STOM: variants seen among roughly 807,000 people sequenced by gnomAD.
The protein encoded by STOM is erythrocyte band 7 integral membrane protein.
Under a neutral mutation model 30.6 loss-of-function variants are expected in STOM, and 25 were observed. That is an observed-to-expected ratio of 0.82 (90% CI 0.60 to 1.14). The LOEUF (loss-of-function observed/expected upper bound fraction) is 1.14. Ranked by LOEUF, STOM falls within the 50% of genes most tolerant of loss-of-function variation. The pLI is 0.00. For synonymous variants in STOM, 118 were observed against 130.8 expected (o/e 0.90, Z 0.67); for missense variants, 292 against 365.2 (o/e 0.80, Z 1.63).
rs1248382950 is a variant in STOM, at chr9:121,340,576, A to T, written c.*626T>A. ...ACATGGTGAAACCCCGTCTCTACTA[A>T]AAAACAATAATAATAATACAAAAAT... On this transcript the variant is annotated 3_prime_UTR_variant, in exon 7 of 7. Transcript: ENST00000286713. 6.7e-6 allele frequency: 4 copies of T among 593,952 alleles called. No homozygotes were observed. 36.8% of individuals were successfully genotyped at this position (593,952 alleles called of 1,614,324 possible).
rs904530503 is a variant in STOM, at chr9:121,340,942, A to G, written c.*260T>C. The G allele has an allele frequency of 6.0e-5, 77 of 1,280,802 alleles. No individual in the cohort carries two copies. In the African/African-American group the frequency reaches 1.1e-3, roughly 18 times the overall value. 79.3% of individuals were successfully genotyped at this position (1,280,802 alleles called of 1,614,324 possible). ...GAATGAGTCAGTGGAAGTCAAAACA[A>G]GAGGGATCTAACCTACTACATAATA... On this transcript the variant is annotated 3_prime_UTR_variant, in exon 7 of 7. Coordinates refer to ENST00000286713, the MANE Select transcript of STOM (RefSeq NM_004099.6).
rs1220052990 is a variant in STOM at position 121,355,534 on chromosome 9, AAT to A, written c.165+517_165+518del. ...TTTATCTTCTTAGAAATATGTAAAT[AAT>A]AGTCATATATCAAAGTATTAACAAC... On this transcript the variant is annotated intron_variant, in intron 2 of 6. Transcript: ENST00000286713. Among the ~76,000 whole-genome samples the A allele has an allele frequency of 3.9e-5, 6 of 152,236 alleles. No individual in the cohort carries two copies. In the East Asian group the frequency reaches 5.8e-4, roughly 15 times the overall value.
At chr9:121,366,304 T>A in intron 1 of STOM, 5 of 953,154 alleles carry the variant, frequency 5.2e-6, no homozygotes, top group Non-Finnish European at 6.2e-6. Flanking sequence ...CAAGTGTGTG[T>A]CAATAGAAAA....
intron 6 of STOM, 68 bp downstream of exon 6, chr9:121,347,947 A>C: frequency 5.3e-6 from 8 of 1,509,984 alleles, no homozygotes; most frequent in Non-Finnish European, 5.3e-6. Flanking sequence ...AGCATGTTTT[A>C]CGTTTTTTTA....
chr9:121,368,289 A>G (rs1348201608), intron 1 of STOM, among the ~76,000 whole-genome samples: 1 of 152,254 alleles, frequency 6.6e-6, no homozygotes, highest in Non-Finnish European at 1.5e-5. Flanking sequence ...TTAAAAACTC[A>G]TCTATGACCA....
At chr9:121,348,239 G>T in intron 5 of STOM, 90 bp from the exon 6 acceptor site, 1 of 1,577,418 alleles carries the variant, frequency 6.3e-7, no homozygotes, top group Non-Finnish European at 8.7e-7. Context: ...GAGGAGATAA[G>T]GTGCTGGGGA....
intron 6 of STOM, among the ~76,000 whole-genome samples, chr9:121,347,239 TG>T (rs2064297409): frequency 6.6e-6 from 1 of 152,250 alleles, no homozygotes; most frequent in African/African-American, 2.4e-5. Context: ...AACTGCCTTC[TG>T]GTTCCAATTT....
rs1267626953 is a variant in STOM at position 121,370,172 on chromosome 9, G to A, written c.16C>T (p.His6Tyr). MAEKR[H>Y]TRDSEAQRLP... Reference sequence around the variant, plus strand: ...CGCTGGGCTTCGGAGTCCCGTGTGTGCCGCTTCTCGGCCATGCTGCCCGAG... The same window carrying A: ...CGCTGGGCTTCGGAGTCCCGTGTGTACCGCTTCTCGGCCATGCTGCCCGAG... The change falls in exon 1 of 7, where the codon CAC (histidine) becomes TAC (tyrosine). Residue 6 changes from histidine to tyrosine, a missense_variant. By Grantham distance (83) the His-to-Tyr change is moderately conservative. Coordinates refer to ENST00000286713, the MANE Select transcript of STOM (RefSeq NM_004099.6). 9 of 1,547,968 alleles carry A rather than the reference G, an allele frequency of 5.8e-6. No individual in the cohort carries two copies.
At chr9:121,368,130 T>G (rs1167867137) in intron 1 of STOM, among the ~76,000 whole-genome samples, 1 of 152,146 alleles carries the variant, frequency 6.6e-6, no homozygotes, top group African/African-American at 2.4e-5. Flanking sequence ...TAGCGTCAAA[T>G]TTGTTAGGTT....
At chr9:121,347,743 G>A (rs2064301806) in intron 6 of STOM, among the ~76,000 whole-genome samples, 1 of 152,170 alleles carries the variant, frequency 6.6e-6, no homozygotes, top group Non-Finnish European at 1.5e-5. Flanking sequence ...AAAGCAGAGC[G>A]CAGAACAACA....
intron 1 of STOM, among the ~76,000 whole-genome samples, chr9:121,356,394 T>C (rs1412608659): frequency 1.3e-5 from 2 of 152,222 alleles, no homozygotes; most frequent in Non-Finnish European, 2.9e-5. Context: ...AGCAAACATT[T>C]ATTAAGCATC....
At chr9:121,342,723 C>T (rs2064257686) in intron 6 of STOM, among the ~76,000 whole-genome samples, 1 of 152,102 alleles carries the variant, frequency 6.6e-6, no homozygotes, top group South Asian at 2.1e-4. Context: ...TCAATATTTA[C>T]AACATGCCAG....
chr9:121,358,100 A>G (rs1274105589), intron 1 of STOM, among the ~76,000 whole-genome samples: 1 of 151,796 alleles, frequency 6.6e-6, no homozygotes, highest in East Asian at 1.9e-4. Flanking sequence ...CAGGGGTTTG[A>G]GACTAGCTTG....
rs111264749 is a variant in STOM, at chr9:121,349,418, G to A, written c.322-95C>T. On this transcript the variant is annotated intron_variant, in intron 4 of 6. Transcript: ENST00000286713. ...TTCTACAGAATATCTTATAACACTAGCTGATTTTCTTTAGTAAGGCATCAG... is the reference window on the plus strand; with the variant it reads ...TTCTACAGAATATCTTATAACACTAACTGATTTTCTTTAGTAAGGCATCAG... 4.0e-5 allele frequency: 42 copies of A among 1,062,388 alleles called. No homozygotes were observed. In the African/African-American group the frequency reaches 4.3e-4, roughly 11 times the overall value. The allele number at this position is 1,062,388 out of a possible 1,614,324, so 65.8% of individuals were successfully genotyped here.
At chr9:121,349,027 C>G in intron 5 of STOM, 93 bp downstream of exon 5, 1 of 1,419,870 alleles carries the variant, frequency 7.0e-7, no homozygotes. Flanking sequence ...CAGACCCCCA[C>G]AACTTGAATT....
intron 1 of STOM, among the ~76,000 whole-genome samples, chr9:121,358,131 T>A (rs2064413589): frequency 6.7e-6 from 1 of 149,186 alleles, no homozygotes; most frequent in Admixed American, 6.7e-5. Context: ...GGAGACTCTG[T>A]CTCTACTTTA....
chr9:121,347,497 T>C (rs1025623669), intron 6 of STOM, among the ~76,000 whole-genome samples: 1 of 151,430 alleles, frequency 6.6e-6, no homozygotes, highest in African/African-American at 2.4e-5. Context: ...GAATGAGGAA[T>C]AGGAAACAGT....
intron 1 of STOM, 36 bp from the exon 2 acceptor site, chr9:121,356,192 G>A (rs754141736): frequency 2.1e-5 from 33 of 1,546,562 alleles, no homozygotes; most frequent in Non-Finnish European, 2.9e-5. Context: ...TCTCACAACT[G>A]TTACTAGCAT....
intron 1 of STOM, 86 bp from the exon 2 acceptor site, chr9:121,356,242 T>A: frequency 8.8e-7 from 1 of 1,138,718 alleles, no homozygotes. Flanking sequence ...GCTGAATACC[T>A]ATGTGCTTGG....
Sources: allele counts gnomAD v4.1 joint callset (sites outside exome capture counted in the v4.1 genomes callset), GRCh38; gene constraint gnomAD v4.1.1; transcripts MANE v1.5; gene names NCBI Gene and HGNC (gene_info 2026-07-23, HGNC 2026-07-21).